PLCL1: variants seen among roughly 807,000 people sequenced by gnomAD.
PLCL1 encodes phospholipase C like 1 (inactive), also known as inactive phospholipase C-like protein 1.
In PLCL1, 41 loss-of-function variants were observed where a neutral mutation model predicts 84.4. The ratio of observed to expected loss-of-function variants is 0.49; its 90% CI spans 0.38 to 0.63. The LOEUF is 0.63. Among genes scored for constraint, PLCL1 ranks in the 30% least tolerant of loss-of-function variants. The probability of loss-of-function intolerance (pLI) is 0.00; values close to 1 mark genes in which losing one functional copy is unlikely to be tolerated. For synonymous variants in PLCL1, 490 were observed against 488.3 expected (o/e 1.00, Z -0.05); for missense variants, 1,206 against 1,367.8 (o/e 0.88, Z 1.87).
intron 1 of PLCL1, among the ~76,000 whole-genome samples, chr2:197,987,430 T>C (rs537636099): frequency 1.3e-5 from 2 of 152,304 alleles, no homozygotes; most frequent in East Asian, 3.9e-4. Context: ...GGGCATTTGC[T>C]TTCTAGTTTC....
chr2:197,917,259 T>C (rs946765146), intron 1 of PLCL1, among the ~76,000 whole-genome samples: 2 of 152,192 alleles, frequency 1.3e-5, no homozygotes, highest in Non-Finnish European at 2.9e-5. Flanking sequence ...AAAATGTCCT[T>C]TAATAGGTGA....
chr2:197,959,123 G>A (rs964545749), intron 1 of PLCL1, among the ~76,000 whole-genome samples: 1 of 151,948 alleles, frequency 6.6e-6, no homozygotes, highest in Non-Finnish European at 1.5e-5. Flanking sequence ...ACTTGTATTC[G>A]TCAGGGTTCT....
At chr2:198,005,449 C>T (rs548646518) in intron 1 of PLCL1, among the ~76,000 whole-genome samples, 2 of 152,330 alleles carry the variant, frequency 1.3e-5, no homozygotes, top group African/African-American at 4.8e-5. Flanking sequence ...CCTGGAAAGT[C>T]CCTCCAGGCT....
At chr2:197,944,648 A>G (rs530588956) in intron 1 of PLCL1, among the ~76,000 whole-genome samples, 23 of 152,226 alleles carry the variant, frequency 1.5e-4, no homozygotes, top group Non-Finnish European at 2.2e-4. Context: ...AGAAACGTTA[A>G]CAATAACTCT....
At chr2:197,813,930 T>C (rs774988106) in intron 1 of PLCL1, among the ~76,000 whole-genome samples, 27 of 152,210 alleles carry the variant, frequency 1.8e-4, no homozygotes, top group Non-Finnish European at 3.8e-4. Flanking sequence ...TTTATTGTTA[T>C]CTTAAACACT....
At chr2:198,133,776 A>G (rs1694186371) in intron 5 of PLCL1, among the ~76,000 whole-genome samples, 1 of 152,118 alleles carries the variant, frequency 6.6e-6, no homozygotes, top group Non-Finnish European at 1.5e-5. Flanking sequence ...CTTTTACTCT[A>G]ACTTCACGTA....
At chr2:197,955,638 GT>G (rs1689472985) in intron 1 of PLCL1, among the ~76,000 whole-genome samples, 2 of 151,734 alleles carry the variant, frequency 1.3e-5, no homozygotes, top group South Asian at 4.2e-4. Flanking sequence ...AACATGCAGT[GT>G]TTGGTTTTCT....
intron 1 of PLCL1, among the ~76,000 whole-genome samples, chr2:197,850,021 G>GACACAC (rs1198403874): frequency 1.1e-5 from 1 of 93,232 alleles, no homozygotes; most frequent in African/African-American, 4.6e-5. Context: ...CAGACACACA[G>GACACAC]ACACACACAG....
At chr2:197,972,641 T>G (rs899890974) in intron 1 of PLCL1, among the ~76,000 whole-genome samples, 1 of 152,204 alleles carries the variant, frequency 6.6e-6, no homozygotes, top group Non-Finnish European at 1.5e-5. Context: ...GCCGTTTACA[T>G]TTTCTGGGTC....
rs1193982708 is a variant in PLCL1 at position 198,147,719 on chromosome 2, G to A, written c.*757G>A. The A allele has an allele frequency of 1.3e-5, 2 of 152,232 alleles. No homozygotes were observed. Among genetic ancestry groups the A allele is most frequent in the African/African-American group, 2.4e-5 (1 of 41,430 alleles). 9.4% of individuals were successfully genotyped at this position (152,232 alleles called of 1,614,324 possible). On this transcript the variant is annotated 3_prime_UTR_variant, in exon 6 of 6. Transcript: ENST00000428675. Reference sequence around the variant, plus strand: ...CATAAGTGAATTTATACCTACCTGTGTGGTACTCTGAAACACACTGAAAGC... The same window carrying A: ...CATAAGTGAATTTATACCTACCTGTATGGTACTCTGAAACACACTGAAAGC...
chr2:198,016,971 G>T (rs1434749571), intron 1 of PLCL1, among the ~76,000 whole-genome samples: 1 of 152,122 alleles, frequency 6.6e-6, no homozygotes, highest in South Asian at 2.1e-4. Flanking sequence ...GGAGACTGGT[G>T]CTTTTCATGC....
intron 1 of PLCL1, among the ~76,000 whole-genome samples, chr2:197,965,659 C>A (rs529058428): frequency 3.9e-5 from 6 of 152,158 alleles, no homozygotes; most frequent in East Asian, 1.9e-4. Context: ...AGTTTTACTT[C>A]TTTTTTGATG....
intron 1 of PLCL1, chr2:197,810,114 C>A (rs1376622711): frequency 2.4e-5 from 6 of 252,006 alleles, no homozygotes; most frequent in African/African-American, 4.7e-5. Flanking sequence ...GCTCTCCTCC[C>A]GAGATGTGAT....
intron 1 of PLCL1, among the ~76,000 whole-genome samples, chr2:198,055,329 C>CTCTCTCTCTGTGTG (rs374518934): frequency 1.1e-4 from 12 of 112,270 alleles, no homozygotes; most frequent in African/African-American, 4.2e-4. Context: ...CTCTCTCTCT[C>CTCTCTCTCTGTGTG]TGTGTGTGTG....
intron 1 of PLCL1, among the ~76,000 whole-genome samples, chr2:197,981,427 A>G (rs1690102958): frequency 6.6e-6 from 1 of 152,216 alleles, no homozygotes; most frequent in Non-Finnish European, 1.5e-5. Flanking sequence ...CTAAATTCTT[A>G]ATGGAAAAGT....
At chr2:198,138,550 T>A (rs893922193) in intron 5 of PLCL1, among the ~76,000 whole-genome samples, 3 of 152,180 alleles carry the variant, frequency 2.0e-5, no homozygotes, top group Non-Finnish European at 2.9e-5. Context: ...TTAATTATTA[T>A]TATTTTTTAC....
At chr2:198,118,811 T>C (rs1345356455) in intron 5 of PLCL1, among the ~76,000 whole-genome samples, 1 of 152,030 alleles carries the variant, frequency 6.6e-6, no homozygotes, top group South Asian at 2.1e-4. Context: ...CATGAAGTTG[T>C]CAGTCTAAGC....
At chr2:198,105,430 C>T (rs1235657474) in intron 5 of PLCL1, among the ~76,000 whole-genome samples, 1 of 151,726 alleles carries the variant, frequency 6.6e-6, no homozygotes, top group Admixed American at 6.6e-5. Flanking sequence ...CTTGTAGTAT[C>T]GTTTGAAGTT....
At chr2:197,886,554 A>G (rs917445515) in intron 1 of PLCL1, among the ~76,000 whole-genome samples, 8 of 150,834 alleles carry the variant, frequency 5.3e-5, no homozygotes, top group Admixed American at 2.0e-4. Flanking sequence ...AGGTTTGTGG[A>G]AAAAAAAATT....
Sources: gnomAD v4.1 joint callset for allele counts (sites outside exome capture counted in the v4.1 genomes callset) on GRCh38, gnomAD v4.1.1 for gene constraint, MANE v1.5 for transcripts, NCBI Gene and HGNC (gene_info 2026-07-23, HGNC 2026-07-21) for gene names.